MYH14: variants seen among roughly 807,000 people sequenced by gnomAD.
The protein encoded by MYH14 is myosin-14.
MYH14 carries 123 observed loss-of-function variants against 255.5 expected under a neutral mutation model. The observed-to-expected ratio is 0.48, with a 90% confidence interval of 0.42 to 0.56. The LOEUF (loss-of-function observed/expected upper bound fraction) is 0.56, where lower values mean the gene tolerates loss of function less well. Ranked by LOEUF, MYH14 falls within the 20% of genes least tolerant of loss-of-function variation. The pLI is 0.00. For synonymous variants in MYH14, 1,095 were observed against 1,161.2 expected, an observed-to-expected ratio of 0.94 and a Z score of 1.16; for missense variants, 2,423 against 2,802.3, an observed-to-expected ratio of 0.86 and a Z score of 3.06.
intron 10 of MYH14, among the ~76,000 whole-genome samples, chr19:50,234,583 C>T (rs759513256): frequency 8.6e-5 from 13 of 151,848 alleles, no homozygotes; most frequent in Admixed American, 2.6e-4. Context: ...CCCACCCCGC[C>T]GCATTTCCCA....
chr19:50,207,271 C>CAGAGAGAGAG (rs764396652), intron 1 of MYH14, among the ~76,000 whole-genome samples: 5,081 of 76,778 alleles, frequency 0.066, 949 homozygotes, highest in South Asian at 0.091. Context: ...GAGAGAGAGA[C>CAGAGAGAGAG]AGAGAGAGAG....
In MYH14 at chr19:50,251,654, T is replaced by C. The variant is rs140740723; in HGVS notation, c.1830+966T>C. ...GTGCAGTGGCACGATCTCGGCTCACTGCAATCTCCGCCTCCTAGGTTCAAG... is the reference window on the plus strand; with the variant it reads ...GTGCAGTGGCACGATCTCGGCTCACCGCAATCTCCGCCTCCTAGGTTCAAG... On this transcript the variant is annotated intron_variant, in intron 15 of 42. Coordinates refer to ENST00000642316, the MANE Select transcript of MYH14 (RefSeq NM_001145809.2). 8.0e-3 allele frequency among the ~76,000 whole-genome samples: 1,215 copies of C among 152,070 alleles called. 13 individuals are homozygous for C. The highest frequency in any genetic ancestry group is 0.027 in the African/African-American group (1,107 of 41,448).
intron 32 of MYH14, 23 bp from the exon 33 acceptor site, chr19:50,281,571 C>G (rs2035719662): frequency 6.4e-7 from 1 of 1,551,106 alleles, no homozygotes. Flanking sequence ...GACCACCAAC[C>G]ACCCTCTCTC....
intron 2 of MYH14, among the ~76,000 whole-genome samples, chr19:50,212,776 C>T (rs75965474): frequency 0.012 from 1,808 of 152,200 alleles, 14 homozygotes; most frequent in Middle Eastern, 0.02. Context: ...CGAGGGCTGT[C>T]GGACCCTGCA....
At position 50,271,908 on chromosome 19, in the gene MYH14, G is replaced by A; in HGVS notation, c.3231G>A (p.Glu1077=). ...AEFSSQAAEE[E]EKVKSLNKLR... ...TCTCATCCCAGGCAGCTGAGGAGGA[G>A]GAGAAGGTCAAGAGCCTCAATAAGC... Residue 1077 remains glutamate (E), a synonymous_variant, in exon 26 of 43, where the codon GAG becomes GAA. Coordinates refer to ENST00000642316, the MANE Select transcript of MYH14 (RefSeq NM_001145809.2). 2 of 1,613,202 alleles carry A rather than the reference G, an allele frequency of 1.2e-6. No homozygotes were observed. Among genetic ancestry groups the A allele is most frequent in the Non-Finnish European group, 1.7e-6 (2 of 1,179,672 alleles).
Position 50,252,773 on chromosome 19 carries a change from A to C in MYH14, c.1945+20A>C, listed in dbSNP as rs2034451803. The C allele has an allele frequency of 6.6e-7, 1 of 1,525,056 alleles. No homozygotes were observed. Among genetic ancestry groups the C allele is most frequent in the African/African-American group, 1.4e-5 (1 of 72,646 alleles). 94.5% of individuals were successfully genotyped at this position (1,525,056 alleles called of 1,614,324 possible). A position where few individuals can be genotyped will look rare whatever the true frequency, so the allele number is the denominator to read the frequency against. On this transcript the variant is annotated intron_variant, in intron 16 of 42. Coordinates refer to ENST00000642316, the MANE Select transcript of MYH14 (RefSeq NM_001145809.2). The surrounding 1 kb of genome is among the most constrained non-coding windows in gnomAD (Gnocchi z 4.2). Reference sequence around the variant, plus strand: ...AAGACGGTGAGGACCCACTTCCCCCACCCCGGCTCTAGGGGTCTGTGCGGC... The same window carrying C: ...AAGACGGTGAGGACCCACTTCCCCCCCCCCGGCTCTAGGGGTCTGTGCGGC...
Position 50,249,782 on chromosome 19 carries a change from G to A in MYH14, c.1615G>A (p.Gly539Ser), listed in dbSNP as rs1259851963. ...EGIPWTFLDF[G>S]LDLQPCIDLI... Reference sequence around the variant, plus strand: ...CATCCCCTGGACCTTCCTCGACTTTGGCCTCGACCTGCAGCCCTGCATCGA... The same window carrying A: ...CATCCCCTGGACCTTCCTCGACTTTAGCCTCGACCTGCAGCCCTGCATCGA... Residue 539 changes from glycine to serine, a missense_variant, in exon 14 of 43, where the codon GGC becomes AGC. Transcript: ENST00000642316. 2 of 1,614,198 alleles carry A rather than the reference G, an allele frequency of 1.2e-6. No individual in the cohort carries two copies. The highest frequency in any genetic ancestry group is 1.7e-6 in the Non-Finnish European group (2 of 1,180,044).
intron 8 of MYH14, among the ~76,000 whole-genome samples, chr19:50,228,719 A>G (rs2033229392): frequency 6.6e-6 from 1 of 151,964 alleles, no homozygotes; most frequent in Non-Finnish European, 1.5e-5. Flanking sequence ...GTCTCTGCTT[A>G]TATTCATATT....
intron 3 of MYH14, 104 bp downstream of exon 3, chr19:50,217,875 C>A: frequency 7.1e-7 from 1 of 1,416,828 alleles, no homozygotes; most frequent in Non-Finnish European, 9.6e-7. Context: ...AGCTTGTAGA[C>A]TTGACTCTGT....
chr19:50,288,239 T>A (rs2035955987), intron 34 of MYH14, among the ~76,000 whole-genome samples: 1 of 152,242 alleles, frequency 6.6e-6, no homozygotes, highest in Non-Finnish European at 1.5e-5. Context: ...TGTCTTGACA[T>A]CCTTATTTCT....
chr19:50,259,393 T>G, intron 19 of MYH14, 128 bp downstream of exon 19: 1 of 1,266,958 alleles, frequency 7.9e-7, no homozygotes, highest in Non-Finnish European at 1.1e-6. Flanking sequence ...TGAGGCAGAT[T>G]ACTCACTTTG....
chr19:50,279,089 C>T (rs1038799546), intron 30 of MYH14, among the ~76,000 whole-genome samples: 8 of 152,126 alleles, frequency 5.3e-5, no homozygotes, highest in Non-Finnish European at 1.2e-4. Context: ...TAATTTTGGA[C>T]CATTTTCATT....
At chr19:50,223,988 C>G (rs2032972509) in intron 5 of MYH14, among the ~76,000 whole-genome samples, 166 bp from the exon 6 acceptor site, 1 of 152,132 alleles carries the variant, frequency 6.6e-6, no homozygotes, top group Non-Finnish European at 1.5e-5. Flanking sequence ...GATTCAAACC[C>G]AGGAGTGTGG....
At chr19:50,295,101 A>G (rs1021420733) in intron 39 of MYH14, among the ~76,000 whole-genome samples, 2 of 151,130 alleles carry the variant, frequency 1.3e-5, no homozygotes, top group African/African-American at 4.9e-5. Flanking sequence ...CGAGGCGGGC[A>G]GATCACGAGG....
chr19:50,272,299 C>T (rs1480396397), intron 26 of MYH14, among the ~76,000 whole-genome samples: 1 of 151,838 alleles, frequency 6.6e-6, no homozygotes, highest in African/African-American at 2.4e-5. Context: ...AGGGAGGAGG[C>T]AGGGCTGTAG....
rs981039429 is a variant in MYH14 at position 50,271,740 on chromosome 19, A to G, written c.3172-109A>G. 2.2e-5 allele frequency: 34 copies of G among 1,528,614 alleles called. No individual in the cohort carries two copies. In the Middle Eastern group the frequency reaches 7.0e-4, roughly 31 times the overall value. 94.7% of individuals were successfully genotyped at this position (1,528,614 alleles called of 1,614,324 possible). A position where few individuals can be genotyped will look rare whatever the true frequency, so the allele number is the denominator to read the frequency against. On this transcript the variant is annotated intron_variant, in intron 25 of 42. Coordinates refer to ENST00000642316, the MANE Select transcript of MYH14 (RefSeq NM_001145809.2). ...GGGGGAGGAAGGTCAGAGAAGGGTG[A>G]AAAGGAGCAGAAACATAGATGAGAA... is the stretch of plus-strand genomic sequence containing the variant.
In MYH14 at chr19:50,271,938, G is replaced by C. The variant is rs951380443; in HGVS notation, c.3261G>C (p.Arg1087=). Residue 1087 remains arginine (R), a synonymous_variant, in exon 26 of 43, where the codon CGG becomes CGC. Coordinates refer to ENST00000642316, the MANE Select transcript of MYH14 (RefSeq NM_001145809.2). ...EEKVKSLNKL[R]LKYEATIADM... is the part of the protein sequence containing the mutation. ...AGGTCAAGAGCCTCAATAAGCTACG[G>C]CTCAAATATGAGGCCACAATCGCAG... 1 of 1,611,514 alleles carries C rather than the reference G, an allele frequency of 6.2e-7. No individual in the cohort carries two copies.
chr19:50,251,621 A>C (rs2034403087), intron 15 of MYH14, among the ~76,000 whole-genome samples: 1 of 151,370 alleles, frequency 6.6e-6, no homozygotes, highest in South Asian at 2.1e-4. Context: ...TCTGTTACCC[A>C]GGCTGGAGTG....
At chr19:50,271,778 C>T in intron 25 of MYH14, 71 bp from the exon 26 acceptor site, 1 of 1,594,366 alleles carries the variant, frequency 6.3e-7, no homozygotes, top group Admixed American at 1.7e-5. Context: ...ACACCAGAAG[C>T]TGCAGATCAG....
Sources: allele counts gnomAD v4.1 joint callset (sites outside exome capture counted in the v4.1 genomes callset), GRCh38; gene constraint gnomAD v4.1.1; non-coding constraint Gnocchi (gnomAD v3.1); transcripts MANE v1.5; gene names NCBI Gene and HGNC (gene_info 2026-07-23, HGNC 2026-07-21).